Variants in OPCML observed in about 807,000 individuals in gnomAD.
The protein encoded by OPCML is opioid-binding protein/cell adhesion molecule.
Under a neutral mutation model 37.8 loss-of-function variants are expected in OPCML, and 13 were observed. The observed-to-expected ratio is 0.34, with a 90% CI of 0.22 to 0.55. The LOEUF is 0.55. OPCML is among the 20% of genes least tolerant of loss of function. OPCML has a pLI of 0.91. For missense variants in OPCML, 341 were observed against 435.6 expected (o/e 0.78, Z 1.93); for synonymous variants, 176 against 168.8 (o/e 1.04, Z -0.33).
chr11:133,423,435 A>G (rs1945935015), intron 1 of OPCML: 1 of 985,374 alleles, frequency 1.0e-6, no homozygotes, highest in Non-Finnish European at 1.2e-6. Flanking sequence ...CCTGCAATGC[A>G]TCTGCAGGCA....
At chr11:133,086,574 T>C (rs552084669) in intron 1 of OPCML, among the ~76,000 whole-genome samples, 21 of 152,298 alleles carry the variant, frequency 1.4e-4, no homozygotes, top group Non-Finnish European at 2.9e-4. Context: ...ATATTCAAGG[T>C]GTACAACGTG....
At chr11:133,007,896 G>A in intron 1 of OPCML, 1 of 985,442 alleles carries the variant, frequency 1.0e-6, no homozygotes, top group Non-Finnish European at 1.2e-6. Flanking sequence ...GCTTTTCTTG[G>A]ATATGTTGTC....
intron 1 of OPCML, among the ~76,000 whole-genome samples, chr11:133,435,723 A>C (rs899492424): frequency 6.6e-6 from 1 of 152,252 alleles, no homozygotes; most frequent in Non-Finnish European, 1.5e-5. Flanking sequence ...ATTTCCATAA[A>C]TAATGAAGAT....
At chr11:133,498,915 A>T (rs892645524) in intron 1 of OPCML, among the ~76,000 whole-genome samples, 9 of 152,222 alleles carry the variant, frequency 5.9e-5, no homozygotes, top group South Asian at 2.1e-4. Context: ...CTTTATGTTT[A>T]CAAGAACCCT....
At chr11:133,508,938 T>C (rs1167253496) in intron 1 of OPCML, among the ~76,000 whole-genome samples, 2 of 152,082 alleles carry the variant, frequency 1.3e-5, no homozygotes, top group Non-Finnish European at 1.5e-5. Context: ...TCCTAACTTA[T>C]GCTCAACCCT....
At chr11:132,917,094 C>A (rs538924913) in intron 2 of OPCML, among the ~76,000 whole-genome samples, 4 of 152,282 alleles carry the variant, frequency 2.6e-5, no homozygotes, top group East Asian at 1.9e-4. Flanking sequence ...TCATCTGTGG[C>A]TAGCAAGGCT....
At chr11:132,605,644 C>T (rs73588978) in intron 3 of OPCML, among the ~76,000 whole-genome samples, 14,311 of 152,080 alleles carry the variant, frequency 0.094, 862 homozygotes, top group African/African-American at 0.17. Context: ...TTGGCTCCCC[C>T]GGCCCTGAGC....
chr11:132,534,352 C>G (rs1459619220), intron 3 of OPCML, among the ~76,000 whole-genome samples: 1 of 152,170 alleles, frequency 6.6e-6, no homozygotes, highest in Non-Finnish European at 1.5e-5. Context: ...ACTAAACTAT[C>G]TGCTTTATAA....
chr11:133,151,858 C>T (rs1949992091), intron 1 of OPCML, among the ~76,000 whole-genome samples: 1 of 152,120 alleles, frequency 6.6e-6, no homozygotes, highest in East Asian at 1.9e-4. Flanking sequence ...AAAAAAGACC[C>T]CAGGCCCTCA....
At chr11:133,096,914 G>A (rs369552667) in intron 1 of OPCML, among the ~76,000 whole-genome samples, 116 of 152,148 alleles carry the variant, frequency 7.6e-4, no homozygotes, top group African/African-American at 2.4e-3. Context: ...TGATAGAACC[G>A]CAAGGAGAAA....
At chr11:133,219,491 C>T (rs1939723030) in intron 1 of OPCML, among the ~76,000 whole-genome samples, 2 of 152,192 alleles carry the variant, frequency 1.3e-5, no homozygotes, top group Admixed American at 6.5e-5. Flanking sequence ...TGGCAAGTGG[C>T]TACCATTTAG....
At chr11:133,141,002 ACGACGAC>A (rs1949804172) in intron 1 of OPCML, among the ~76,000 whole-genome samples, 1 of 8,646 alleles carries the variant, frequency 1.2e-4, no homozygotes, top group Non-Finnish European at 3.9e-4. Context: ...GAAGAAGACG[ACGACGAC>A]GACGACGACG....
chr11:133,351,866 G>A (rs1192254161), intron 1 of OPCML, among the ~76,000 whole-genome samples: 3 of 151,996 alleles, frequency 2.0e-5, no homozygotes, highest in Admixed American at 2.0e-4. Flanking sequence ...CTTAGCAAAC[G>A]ACACTACCAT....
At chr11:133,204,882 A>G (rs371147086) in intron 1 of OPCML, among the ~76,000 whole-genome samples, 351 of 30,182 alleles carry the variant, frequency 0.012, 3 homozygotes, top group African/African-American at 0.022. Context: ...ATATATATAT[A>G]TATATATATA....
chr11:133,314,040 C>A (rs1481878370), intron 1 of OPCML, among the ~76,000 whole-genome samples: 2 of 151,204 alleles, frequency 1.3e-5, no homozygotes, highest in African/African-American at 4.8e-5. Context: ...TCGAGACCAT[C>A]CCGGCTAACA....
At chr11:133,349,105 C>T (rs1031912834) in intron 1 of OPCML, among the ~76,000 whole-genome samples, 3 of 152,118 alleles carry the variant, frequency 2.0e-5, no homozygotes, top group African/African-American at 7.2e-5. Flanking sequence ...TTAAGCAGTG[C>T]ATGTGCATGG....
chr11:133,265,817 C>A (rs1941642538), intron 1 of OPCML, among the ~76,000 whole-genome samples: 1 of 152,144 alleles, frequency 6.6e-6, no homozygotes, highest in Non-Finnish European at 1.5e-5. Context: ...GCTGCAGTCC[C>A]ACAAAAACAG....
At chr11:132,609,168 G>A (rs1407516476) in intron 3 of OPCML, among the ~76,000 whole-genome samples, 1 of 151,942 alleles carries the variant, frequency 6.6e-6, no homozygotes, top group Non-Finnish European at 1.5e-5. Context: ...TTCTGTGCAT[G>A]GCATGCAAGG....
At chr11:132,506,515 T>A (rs954925792) in intron 4 of OPCML, among the ~76,000 whole-genome samples, 1 of 152,160 alleles carries the variant, frequency 6.6e-6, no homozygotes, top group Non-Finnish European at 1.5e-5. Context: ...AAAATGCCAA[T>A]GTCTCAACAT....
Sources: gnomAD v4.1 joint callset for allele counts (sites outside exome capture counted in the v4.1 genomes callset) on GRCh38, gnomAD v4.1.1 for gene constraint, MANE v1.5 for transcripts, NCBI Gene and HGNC (gene_info 2026-07-23, HGNC 2026-07-21) for gene names.